The following LRRC37A2 variants were observed in gnomAD, a reference collection of about 807,000 sequenced individuals.
The protein encoded by LRRC37A2 is leucine-rich repeat-containing protein 37A2.
In LRRC37A2, 9 loss-of-function variants were observed where a neutral mutation model predicts 68.8. That is an observed-to-expected ratio of 0.13 (90% confidence interval 0.08 to 0.23). The LOEUF (loss-of-function observed/expected upper bound fraction) is 0.23, where lower values mean the gene tolerates loss of function less well. Among genes scored for constraint, LRRC37A2 ranks in the 10% least tolerant of loss-of-function variants. The probability of loss-of-function intolerance (pLI) is 1.00; values close to 1 mark genes in which losing one functional copy is unlikely to be tolerated. For missense variants in LRRC37A2, 168 were observed against 950.4 expected (o/e 0.18, Z 10.82); for synonymous variants, 63 against 367.6 (o/e 0.17, Z 9.48).
chr17:46,974,472 C>T, the LRRC37A2 span, among the ~76,000 whole-genome samples: 124 of 152,328 alleles, frequency 8.1e-4, 2 homozygotes, highest in African/African-American at 2.7e-3. Flanking sequence ...CGGTGGCTCA[C>T]GCCTGTAATC....
chr17:46,979,955 A>T, the LRRC37A2 span, among the ~76,000 whole-genome samples: 1 of 152,112 alleles, frequency 6.6e-6, no homozygotes, highest in Non-Finnish European at 1.5e-5. Flanking sequence ...CTTTCTCTAG[A>T]TAACAGATAT....
the LRRC37A2 span, among the ~76,000 whole-genome samples, chr17:46,858,807 C>T: frequency 6.6e-6 from 1 of 152,218 alleles, no homozygotes; most frequent in East Asian, 1.9e-4. Context: ...GCTGGGGCCA[C>T]AGGCATGCGC....
Position 46,534,035 on chromosome 17 carries a change from A to T in LRRC37A2, c.2907-6141A>T, listed in dbSNP as rs1018022260. Among the ~76,000 whole-genome samples, 83 of 121,620 alleles carry T rather than the reference A, an allele frequency of 6.8e-4. 2 individuals are homozygous for T. Among genetic ancestry groups the T allele is most frequent in the African/African-American group, 3.3e-3 (81 of 24,608 alleles). 79.8% of individuals were successfully genotyped at this position (121,620 alleles called of 152,430 possible). A position where few individuals can be genotyped will look rare whatever the true frequency, so the allele number is the denominator to read the frequency against. On this transcript the variant is annotated intron_variant, in intron 6 of 14. Transcript: ENST00000576629. ...GTGTGTGGTTGCTTTGTTTTTAGAC[A>T]GGGTCTTGCTCTGTTACCCAGGCTG...
chr17:46,784,652 C>A, the LRRC37A2 span, among the ~76,000 whole-genome samples: 1 of 152,138 alleles, frequency 6.6e-6, no homozygotes, highest in Non-Finnish European at 1.5e-5. Context: ...TGGCAGCAGG[C>A]GCCCAGGTCT....
At chr17:46,984,992 A>T in the LRRC37A2 span, among the ~76,000 whole-genome samples, 4 of 151,904 alleles carry the variant, frequency 2.6e-5, no homozygotes, top group African/African-American at 9.7e-5. Flanking sequence ...CCCGGTTTAC[A>T]CTCTTCATTT....
At chr17:46,870,277 TAGCTGCAGCCCCCA>T in the LRRC37A2 span, among the ~76,000 whole-genome samples, 1 of 152,096 alleles carries the variant, frequency 6.6e-6, no homozygotes, top group Non-Finnish European at 1.5e-5. Flanking sequence ...GAGGGCAAGG[TAGCTGCAGCCCCCA>T]AGCTGCCCTC....
chr17:46,847,771 C>T, the LRRC37A2 span, among the ~76,000 whole-genome samples: 9 of 152,256 alleles, frequency 5.9e-5, no homozygotes, highest in South Asian at 4.1e-4. Flanking sequence ...CCTGGGAAGC[C>T]GCATTTCCAC....
the LRRC37A2 span, among the ~76,000 whole-genome samples, chr17:46,950,855 C>T: frequency 6.6e-6 from 1 of 152,182 alleles, no homozygotes. Flanking sequence ...TTGGGGACCA[C>T]CAAGCCAGAC....
the LRRC37A2 span, among the ~76,000 whole-genome samples, chr17:46,814,393 G>A: frequency 9.9e-5 from 15 of 152,110 alleles, no homozygotes; most frequent in Admixed American, 7.9e-4. Context: ...CCAACAGATC[G>A]GCCACCAATT....
At chr17:46,945,643 C>T in the LRRC37A2 span, among the ~76,000 whole-genome samples, 7 of 152,096 alleles carry the variant, frequency 4.6e-5, no homozygotes, top group African/African-American at 9.7e-5. Flanking sequence ...CTTTCCAGCC[C>T]GAGCAACAGG....
Position 46,529,524 on chromosome 17 carries a change from A to C in LRRC37A2, c.2906+5640A>C, listed in dbSNP as rs149206681. On this transcript the variant is annotated intron_variant, in intron 6 of 14. Transcript: ENST00000576629. Reference sequence around the variant, plus strand: ...ATCTACTGTGAATCTAAAAACACTCAAGGCTGGGCGCGCTGGCTCATGCCT... The same window carrying C: ...ATCTACTGTGAATCTAAAAACACTCCAGGCTGGGCGCGCTGGCTCATGCCT... 5.2e-3 allele frequency among the ~76,000 whole-genome samples: 548 copies of C among 105,460 alleles called. 37 individuals are homozygous for C. Among genetic ancestry groups the C allele is most frequent in the Middle Eastern group, 0.017 (3 of 178 alleles). The allele number at this position is 105,460 out of a possible 152,430, so 69.2% of individuals were successfully genotyped here. A position where few individuals can be genotyped will look rare whatever the true frequency, so the allele number is the denominator to read the frequency against.
At chr17:46,865,447 G>C in the LRRC37A2 span, among the ~76,000 whole-genome samples, 2 of 152,160 alleles carry the variant, frequency 1.3e-5, no homozygotes, top group African/African-American at 4.8e-5. Flanking sequence ...GGGCTCCAGC[G>C]GGGAAGTGTG....
the LRRC37A2 span, among the ~76,000 whole-genome samples, chr17:46,792,694 G>A: frequency 7.7e-3 from 1,177 of 152,094 alleles, 14 homozygotes; most frequent in African/African-American, 0.027. Context: ...GGCTAGCCTC[G>A]AACTACTGAC....
At chr17:47,022,168 C>CTTTTTTTTT in the LRRC37A2 span, among the ~76,000 whole-genome samples, 968 of 19,544 alleles carry the variant, frequency 0.05, 221 homozygotes, top group South Asian at 0.078. Context: ...TTTTTGTTCT[C>CTTTTTTTTT]TTTTTTTTTT....
At chr17:46,978,642 C>A in the LRRC37A2 span, 2 of 1,590,460 alleles carry the variant, frequency 1.3e-6, no homozygotes, top group South Asian at 1.1e-5. Context: ...ACCCAGATGG[C>A]GCTCAGTACA....
At chr17:46,872,434 C>G in the LRRC37A2 span, 1 of 1,413,848 alleles carries the variant, frequency 7.1e-7, no homozygotes, top group Non-Finnish European at 9.3e-7. Flanking sequence ...GTAAATGAAG[C>G]CCCTGAGGAG....
the LRRC37A2 span, among the ~76,000 whole-genome samples, chr17:46,463,764 C>T: frequency 1.2e-5 from 1 of 82,168 alleles, no homozygotes; most frequent in Admixed American, 1.2e-4. Context: ...ACTGCACTCC[C>T]GCTTGGGCAA....
At chr17:46,741,700 A>T in the LRRC37A2 span, among the ~76,000 whole-genome samples, 12 of 152,336 alleles carry the variant, frequency 7.9e-5, no homozygotes, top group East Asian at 9.6e-4. Context: ...TTTTAATGGT[A>T]GTCGATCTTT....
At chr17:46,999,141 G>A in the LRRC37A2 span, among the ~76,000 whole-genome samples, 20 of 152,316 alleles carry the variant, frequency 1.3e-4, no homozygotes, top group Middle Eastern at 6.8e-3. Context: ...GGACACTTCC[G>A]TTTAATTAGG....
Sources: gnomAD v4.1 joint callset for allele counts (sites outside exome capture counted in the v4.1 genomes callset) on GRCh38, gnomAD v4.1.1 for gene constraint, MANE v1.5 for transcripts, NCBI Gene and HGNC (gene_info 2026-07-23, HGNC 2026-07-21) for gene names.